SLC14A2: variants seen among roughly 807,000 people sequenced by gnomAD.
SLC14A2 encodes urea transporter 2.
Under a neutral mutation model 104.6 loss-of-function variants are expected in SLC14A2, and 91 were observed. That is an observed-to-expected ratio of 0.87 (90% CI 0.73 to 1.04). The LOEUF (loss-of-function observed/expected upper bound fraction) is 1.04. Among genes scored for constraint, SLC14A2 ranks in the 50% least tolerant of loss-of-function variants. The pLI is 0.00. For missense variants in SLC14A2, 1,189 were observed against 1,156.0 expected (o/e 1.03, Z -0.41); for synonymous variants, 476 against 466.4 (o/e 1.02, Z -0.27).
chr18:45,494,556 C>A (rs1055489649), intron 2 of SLC14A2, among the ~76,000 whole-genome samples: 10 of 152,078 alleles, frequency 6.6e-5, no homozygotes, highest in African/African-American at 2.4e-4. Context: ...TGCCACCATG[C>A]CCAGAAAAAA....
intron 1 of SLC14A2, among the ~76,000 whole-genome samples, chr18:45,479,780 CCT>C (rs762304253): frequency 3.0e-4 from 46 of 152,288 alleles, no homozygotes; most frequent in Middle Eastern, 3.4e-3. Context: ...CTGTTCTCCC[CCT>C]GTTTTGGTAA....
intron 1 of SLC14A2, among the ~76,000 whole-genome samples, chr18:45,268,236 T>A (rs1053082604): frequency 5.9e-5 from 9 of 152,116 alleles, no homozygotes; most frequent in Non-Finnish European, 1.3e-4. Flanking sequence ...AAACTATGGG[T>A]TTATTTAACA....
intron 1 of SLC14A2, among the ~76,000 whole-genome samples, chr18:45,393,527 A>G (rs900421659): frequency 1.2e-4 from 18 of 152,212 alleles, no homozygotes; most frequent in African/African-American, 3.9e-4. Flanking sequence ...ATCCCTGTGC[A>G]TCATGGAAAC....
At chr18:45,508,577 T>C (rs1199178246) in intron 2 of SLC14A2, among the ~76,000 whole-genome samples, 1 of 152,234 alleles carries the variant, frequency 6.6e-6, no homozygotes. Flanking sequence ...CAGGTATGTC[T>C]TTATCGTCAG....
intron 1 of SLC14A2, among the ~76,000 whole-genome samples, chr18:45,282,451 C>T (rs1242683451): frequency 6.6e-6 from 1 of 152,186 alleles, no homozygotes; most frequent in Non-Finnish European, 1.5e-5. Flanking sequence ...TTTTCCACCG[C>T]ACCAACATTG....
chr18:45,679,463 G>A (rs2144666562), intron 19 of SLC14A2, among the ~76,000 whole-genome samples: 1 of 152,330 alleles, frequency 6.6e-6, no homozygotes, highest in Admixed American at 6.5e-5. Flanking sequence ...ACAGAAGCCA[G>A]AGCTGAGGCT....
intron 2 of SLC14A2, among the ~76,000 whole-genome samples, chr18:45,505,938 G>T (rs1020088716): frequency 1.3e-5 from 2 of 151,974 alleles, no homozygotes; most frequent in Non-Finnish European, 2.9e-5. Context: ...TCTCTCCGCA[G>T]AACTAGGGTG....
chr18:45,667,387 G>A lies in SLC14A2; in HGVS notation c.1717+293G>A, dbSNP rs969455577. Among the ~76,000 whole-genome samples the A allele has an allele frequency of 7.2e-5, 11 of 152,224 alleles. No homozygotes were observed. In the East Asian group the frequency reaches 7.7e-4, roughly 11 times the overall value. On this transcript the variant is annotated intron_variant, in intron 13 of 19. Transcript: ENST00000255226. ...TGAATATTGCAGACAGGTGTTTTTC[G>A]CATTGGGATTCTAGAGCCAGCATTC...
In SLC14A2 at chr18:45,520,170, A is replaced by G. The variant is rs187563162; in HGVS notation, c.-35+36848A>G. 2.6e-3 allele frequency among the ~76,000 whole-genome samples: 402 copies of G among 152,344 alleles called. 2 individuals are homozygous for G. Among genetic ancestry groups the G allele is most frequent in the African/African-American group, 9.1e-3 (378 of 41,578 alleles). ...TATTCTTGGAATGAGTCATTCAACCATGTTGGACTCAGTACCTAGCACTAT... is the reference window on the plus strand; with the variant it reads ...TATTCTTGGAATGAGTCATTCAACCGTGTTGGACTCAGTACCTAGCACTAT... On this transcript the variant is annotated intron_variant, in intron 2 of 20. Transcript: ENST00000586448.
chr18:45,289,628 A>C (rs1012377793), intron 1 of SLC14A2, among the ~76,000 whole-genome samples: 1 of 152,130 alleles, frequency 6.6e-6, no homozygotes, highest in African/African-American at 2.4e-5. Flanking sequence ...TATGTCCCCA[A>C]ATGAAAAACT....
chr18:45,344,515 C>A (rs922239938), intron 1 of SLC14A2, among the ~76,000 whole-genome samples: 2 of 152,102 alleles, frequency 1.3e-5, no homozygotes, highest in South Asian at 2.1e-4. Flanking sequence ...ATAAATAATA[C>A]AAATAAACAA....
intron 16 of SLC14A2, among the ~76,000 whole-genome samples, chr18:45,669,943 T>C (rs1481674223): frequency 1.3e-5 from 2 of 152,222 alleles, no homozygotes; most frequent in Non-Finnish European, 2.9e-5. Context: ...AAGAAGTCGT[T>C]GTTCCAACCT....
chr18:45,468,909 A>C (rs1356069199), intron 1 of SLC14A2, among the ~76,000 whole-genome samples: 1 of 152,250 alleles, frequency 6.6e-6, no homozygotes, highest in Non-Finnish European at 1.5e-5. Context: ...CTGAGGTGTC[A>C]AGTGTATCTG....
At chr18:45,229,822 G>A (rs901945958) in intron 1 of SLC14A2, among the ~76,000 whole-genome samples, 57 of 152,048 alleles carry the variant, frequency 3.7e-4, no homozygotes, top group African/African-American at 1.3e-3. Flanking sequence ...TTGCTTCTGC[G>A]TTCCCAGGTG....
chr18:45,219,210 C>T (rs2084039117), intron 1 of SLC14A2, among the ~76,000 whole-genome samples: 2 of 152,112 alleles, frequency 1.3e-5, no homozygotes, highest in Non-Finnish European at 2.9e-5. Context: ...AATCCTTTAG[C>T]TAAACTGAAG....
At chr18:45,546,261 A>T (rs11082453) in intron 2 of SLC14A2, among the ~76,000 whole-genome samples, 11,517 of 152,340 alleles carry the variant, frequency 0.076, 568 homozygotes, top group East Asian at 0.21. Context: ...TTATATCCTT[A>T]GAACGAACTC....
intron 1 of SLC14A2, among the ~76,000 whole-genome samples, chr18:45,392,253 C>T (rs1006873222): frequency 6.6e-6 from 1 of 152,224 alleles, no homozygotes; most frequent in African/African-American, 2.4e-5. Flanking sequence ...CCCCAACACA[C>T]ATGCTTCTCC....
chr18:45,505,855 C>T (rs1323754315), intron 2 of SLC14A2, among the ~76,000 whole-genome samples: 6 of 152,192 alleles, frequency 3.9e-5, no homozygotes, highest in Admixed American at 6.5e-5. Context: ...CCTCTCTCAT[C>T]TTCTTCTCAA....
Position 45,545,964 on chromosome 18 carries a change from CTA to C in SLC14A2, c.-35+62644_-35+62645del, listed in dbSNP as rs564342021. 3.7e-3 allele frequency among the ~76,000 whole-genome samples: 561 copies of C among 152,244 alleles called. 1 individual carries two copies. Among genetic ancestry groups the C allele is most frequent in the African/African-American group, 0.013 (540 of 41,548 alleles). ...GCACTCATATACTTAATAAATCTAA[CTA>C]TGAAGCATTTATTTTTTCCTAGAAA... On this transcript the variant is annotated intron_variant, in intron 2 of 20. Transcript: ENST00000586448.
Sources: allele counts gnomAD v4.1 joint callset (sites outside exome capture counted in the v4.1 genomes callset), GRCh38; gene constraint gnomAD v4.1.1; transcripts MANE v1.5; gene names NCBI Gene and HGNC (gene_info 2026-07-23, HGNC 2026-07-21).